The following COX10 variants were observed in gnomAD, a reference collection of about 807,000 sequenced individuals.
COX10 encodes cytochrome c oxidase assembly factor heme A:farnesyltransferase COX10.
A neutral mutation model predicts 37.3 loss-of-function variants in COX10; 27 were observed. The ratio of observed to expected loss-of-function variants is 0.72; its 90% CI spans 0.53 to 1.00. COX10 has a LOEUF of 1.00. Among genes scored for constraint, COX10 ranks in the 50% least tolerant of loss-of-function variants. The pLI is 0.00. For synonymous variants in COX10, 222 were observed against 229.1 expected, an observed-to-expected ratio of 0.97 and a Z score of 0.28; for missense variants, 475 against 563.2, an observed-to-expected ratio of 0.84 and a Z score of 1.59.
chr17:14,178,788 G>A (rs1448773819), intron 5 of COX10, among the ~76,000 whole-genome samples: 1 of 152,126 alleles, frequency 6.6e-6, no homozygotes, highest in African/African-American at 2.4e-5. Context: ...CTCCAGCTGA[G>A]TTCCCTGTCC....
chr17:14,082,724 T>G lies in COX10; in HGVS notation c.499+5668T>G, dbSNP rs1372214230. Among the ~76,000 whole-genome samples, 8 of 152,216 alleles carry G rather than the reference T, an allele frequency of 5.3e-5. 1 individual carries two copies. Among genetic ancestry groups the G allele is most frequent in the Admixed American group, 5.2e-4 (8 of 15,290 alleles). ...TAATAGTGCATACTGTGATGTATAGTGTACATGAACTCATTGGCTTCCAAA... is the reference window on the plus strand; with the variant it reads ...TAATAGTGCATACTGTGATGTATAGGGTACATGAACTCATTGGCTTCCAAA... On this transcript the variant is annotated intron_variant, in intron 3 of 6. Transcript: ENST00000261643.
chr17:14,190,250 G>A (rs529865378), intron 5 of COX10, among the ~76,000 whole-genome samples: 1 of 152,176 alleles, frequency 6.6e-6, no homozygotes, highest in Non-Finnish European at 1.5e-5. Context: ...TTGAAATGGG[G>A]CCAGTTAGTA....
At chr17:14,083,605 G>C (rs1341088095) in intron 3 of COX10, among the ~76,000 whole-genome samples, 1 of 152,234 alleles carries the variant, frequency 6.6e-6, no homozygotes, top group Non-Finnish European at 1.5e-5. Flanking sequence ...GGGTTAGTGG[G>C]TAGCAGCAGC....
chr17:14,151,429 A>G (rs143651670), intron 4 of COX10, among the ~76,000 whole-genome samples: 355 of 152,130 alleles, frequency 2.3e-3, no homozygotes, highest in African/African-American at 8.3e-3. Flanking sequence ...TCCAGTTGCT[A>G]TCTATTTCTA....
At chr17:14,206,046 G>A (rs1368986699) in intron 6 of COX10, among the ~76,000 whole-genome samples, 1 of 152,170 alleles carries the variant, frequency 6.6e-6, no homozygotes, top group Non-Finnish European at 1.5e-5. Flanking sequence ...TAACACATGT[G>A]GTTTTGACAC....
At chr17:14,077,155 T>G (rs1396037358) in intron 3 of COX10, 99 bp downstream of exon 3, 1 of 1,123,304 alleles carries the variant, frequency 8.9e-7, no homozygotes. Flanking sequence ...AATTTGGAAC[T>G]GCAGGTCCTG....
At chr17:14,129,868 A>G (rs1270210397) in intron 4 of COX10, among the ~76,000 whole-genome samples, 5 of 152,168 alleles carry the variant, frequency 3.3e-5, no homozygotes, top group Non-Finnish European at 7.3e-5. Flanking sequence ...TCAGATTGCA[A>G]GCCCATTTCT....
At chr17:14,121,994 C>T (rs990186358) in intron 4 of COX10, among the ~76,000 whole-genome samples, 1 of 152,066 alleles carries the variant, frequency 6.6e-6, no homozygotes, top group Admixed American at 6.6e-5. Context: ...GTTGGCCATA[C>T]GGCTTGGGTC....
At chr17:14,141,658 G>A (rs540837708) in intron 4 of COX10, among the ~76,000 whole-genome samples, 1 of 151,728 alleles carries the variant, frequency 6.6e-6, no homozygotes, top group Non-Finnish European at 1.5e-5. Context: ...GTAAGTCTCA[G>A]ATGATTTAGC....
At chr17:14,196,364 C>A (rs992796599) in intron 6 of COX10, among the ~76,000 whole-genome samples, 2 of 152,126 alleles carry the variant, frequency 1.3e-5, no homozygotes, top group African/African-American at 4.8e-5. Context: ...CTTAACTTAC[C>A]CCAAACTGGT....
chr17:14,191,618 T>C (rs1286807862), intron 5 of COX10, among the ~76,000 whole-genome samples: 1 of 152,216 alleles, frequency 6.6e-6, no homozygotes, highest in African/African-American at 2.4e-5. Context: ...AGGCATTGTC[T>C]CAGTCAGTCT....
chr17:14,146,908 G>A (rs1567601518), intron 4 of COX10, among the ~76,000 whole-genome samples: 2 of 152,198 alleles, frequency 1.3e-5, no homozygotes, highest in Middle Eastern at 3.4e-3. Flanking sequence ...CAACATCATC[G>A]ATTATCAGAG....
At chr17:14,145,433 T>C (rs142912467) in intron 4 of COX10, among the ~76,000 whole-genome samples, 155 of 152,244 alleles carry the variant, frequency 1.0e-3, no homozygotes, top group African/African-American at 3.6e-3. Flanking sequence ...TAGTTGTAGA[T>C]GTGGTTTCAA....
intron 3 of COX10, among the ~76,000 whole-genome samples, chr17:14,095,010 A>G (rs1353270366): frequency 6.6e-6 from 1 of 152,242 alleles, no homozygotes; most frequent in African/African-American, 2.4e-5. Context: ...AAGAAAAAAA[A>G]AAGTTAATTC....
At chr17:14,097,027 T>C (rs1335735470) in intron 3 of COX10, among the ~76,000 whole-genome samples, 1 of 152,180 alleles carries the variant, frequency 6.6e-6, no homozygotes, top group African/African-American at 2.4e-5. Context: ...ATTGATTTTA[T>C]GTTTATTTGT....
chr17:14,193,233 G>C (rs1338715518), intron 6 of COX10, among the ~76,000 whole-genome samples: 2 of 152,206 alleles, frequency 1.3e-5, no homozygotes, highest in Non-Finnish European at 2.9e-5. Context: ...TGGGGAGCCC[G>C]ACCCCACCGC....
intron 3 of COX10, among the ~76,000 whole-genome samples, chr17:14,079,322 G>A (rs1915226106): frequency 6.6e-6 from 1 of 152,198 alleles, no homozygotes; most frequent in Non-Finnish European, 1.5e-5. Flanking sequence ...GGAGGGACTT[G>A]AAGTGAATGA....
chr17:14,207,015 A>G lies in COX10; in HGVS notation c.1134A>G (p.Thr378=), dbSNP rs528738530. Residue 378 remains threonine (T), a synonymous_variant, in exon 7 of 7, where the codon ACA becomes ACG. Coordinates refer to ENST00000261643, the MANE Select transcript of COX10 (RefSeq NM_001303.4). ...SAAAPVLDIT[T]WTFPIMALPI... is the part of the protein sequence containing the mutation. Reference sequence around the variant, plus strand: ...CAGCCCCTGTGCTGGACATCACCACATGGACCTTCCCCATCATGGCCCTTC... The same window carrying G: ...CAGCCCCTGTGCTGGACATCACCACGTGGACCTTCCCCATCATGGCCCTTC... The G allele has an allele frequency of 5.0e-6, 8 of 1,614,036 alleles. No homozygotes were observed. Among genetic ancestry groups the G allele is most frequent in the Admixed American group, 1.7e-5 (1 of 60,028 alleles).
intron 6 of COX10, among the ~76,000 whole-genome samples, chr17:14,198,954 G>A (rs1444441751): frequency 2.0e-5 from 3 of 151,980 alleles, no homozygotes; most frequent in South Asian, 2.1e-4. Context: ...TTATACTAGC[G>A]TTGGAGCTCC....
Sources: gnomAD v4.1 joint callset for allele counts (sites outside exome capture counted in the v4.1 genomes callset) on GRCh38, gnomAD v4.1.1 for gene constraint, MANE v1.5 for transcripts, NCBI Gene and HGNC (gene_info 2026-07-23, HGNC 2026-07-21) for gene names.